The following ATXN2 variants were observed in gnomAD, a reference collection of about 807,000 sequenced individuals.
ATXN2 encodes ataxin-2.
In ATXN2, 37 loss-of-function variants were observed where a neutral mutation model predicts 138.6. The observed-to-expected ratio is 0.27, with a 90% CI of 0.21 to 0.35. ATXN2 has a LOEUF of 0.35. ATXN2 is among the 10% of genes least tolerant of loss of function. The pLI is 1.00. For synonymous variants in ATXN2, 549 were observed against 543.7 expected (o/e 1.01, Z -0.13); for missense variants, 1,216 against 1,480.3 (o/e 0.82, Z 2.93).
rs660254 is a variant in ATXN2, at chr12:111,505,317, A to C, written c.1935+4232T>G. Reference sequence around the variant, plus strand: ...GATTGATGAAACAGTATTTTCTTAGATACGACACCAAAAGCTTACTTCAAA... The same window carrying C: ...GATTGATGAAACAGTATTTTCTTAGCTACGACACCAAAAGCTTACTTCAAA... On this transcript the variant is annotated intron_variant, in intron 14 of 24. Coordinates refer to ENST00000673436, the MANE Select transcript of ATXN2 (RefSeq NM_001372574.1). 6.9e-3 allele frequency among the ~76,000 whole-genome samples: 1,053 copies of C among 152,352 alleles called. 7 individuals carry two copies. The highest frequency in any genetic ancestry group is 0.014 in the Middle Eastern group (4 of 294).
intron 1 of ATXN2, among the ~76,000 whole-genome samples, chr12:111,589,534 G>C (rs996824647): frequency 4.6e-5 from 7 of 151,912 alleles, no homozygotes; most frequent in African/African-American, 1.7e-4. Flanking sequence ...CACTTCAGGA[G>C]GCCAAGGTAT....
intron 17 of ATXN2, 150 bp downstream of exon 17, chr12:111,485,563 T>C: frequency 9.5e-7 from 1 of 1,049,966 alleles, no homozygotes; most frequent in South Asian, 1.7e-5. Flanking sequence ...GTCCTCATAC[T>C]TAACAACACA....
chr12:111,500,263 T>C (rs1358053006), intron 14 of ATXN2, among the ~76,000 whole-genome samples: 1 of 152,186 alleles, frequency 6.6e-6, no homozygotes, highest in Admixed American at 6.5e-5. Context: ...ATATACACAA[T>C]AGATTACCAT....
In ATXN2 at chr12:111,557,270, G is replaced by A. The variant is rs961903867; in HGVS notation, c.252-1351C>T. ...AAAAAGTCTAGTAACACGACTGGTCGATCCCTAGAAGAGTACTCTTAACAT... is the reference window on the plus strand; with the variant it reads ...AAAAAGTCTAGTAACACGACTGGTCAATCCCTAGAAGAGTACTCTTAACAT... On this transcript the variant is annotated intron_variant, in intron 1 of 24. Transcript: ENST00000673436. 5.3e-5 allele frequency among the ~76,000 whole-genome samples: 8 copies of A among 152,232 alleles called. No homozygotes were observed. The South Asian group carries it at 1.5e-3, about 28-fold the overall frequency.
In ATXN2 at chr12:111,510,015, T is replaced by TA. The variant is rs757060336; in HGVS notation, c.1757-18dup. 19 of 1,542,858 alleles carry TA rather than the reference T, an allele frequency of 1.2e-5. No homozygotes were observed. Among genetic ancestry groups the TA allele is most frequent in the South Asian group, 2.4e-5 (2 of 83,918 alleles). On this transcript the variant is annotated splice_polypyrimidine_tract_variant and intron_variant, in intron 12 of 24. Coordinates refer to ENST00000673436, the MANE Select transcript of ATXN2 (RefSeq NM_001372574.1). Reference sequence around the variant, plus strand: ...AATCTTTAGCTAGAAAACAATTTTTTAAAAAAAATTCAGATAAGTTAGAAA... The same window carrying TA: ...AATCTTTAGCTAGAAAACAATTTTTTAAAAAAAAATTCAGATAAGTTAGAAA...
chr12:111,457,248 T>C lies in ATXN2; in HGVS notation c.3008A>G (p.His1003Arg), dbSNP rs1875178112. The C allele has an allele frequency of 6.2e-7, 1 of 1,614,060 alleles. No individual in the cohort carries two copies. The change falls in exon 22 of 25, where the codon CAT becomes CGT. Residue 1003 changes from histidine to arginine, a missense_variant. Coordinates refer to ENST00000673436, the MANE Select transcript of ATXN2 (RefSeq NM_001372574.1). ...ATPTGQQQSQ[H>R]GGSHPAPSPV... ...ACTGGGTGCAGGATGACTTCCACCA[T>C]GTTGGCTTTGCTGCTGTCCAGTGGG...
At chr12:111,520,788 A>T in intron 7 of ATXN2, 94 bp downstream of exon 7, 1 of 679,290 alleles carries the variant, frequency 1.5e-6, no homozygotes, top group Non-Finnish European at 2.3e-6. Flanking sequence ...TAATTGTTTA[A>T]CTTAAAAACT....
intron 14 of ATXN2, among the ~76,000 whole-genome samples, chr12:111,491,517 G>T (rs1006635296): frequency 2.6e-5 from 4 of 152,140 alleles, no homozygotes; most frequent in African/African-American, 9.7e-5. Flanking sequence ...GGAGAGGGAA[G>T]AGTAGGGAGG....
chr12:111,562,665 A>T (rs528332732), intron 1 of ATXN2, among the ~76,000 whole-genome samples: 75 of 146,310 alleles, frequency 5.1e-4, no homozygotes, highest in African/African-American at 1.7e-3. Flanking sequence ...GGTTGCAGTG[A>T]GCCAAGATCA....
At chr12:111,556,843 T>G (rs1227995796) in intron 1 of ATXN2, among the ~76,000 whole-genome samples, 1 of 147,938 alleles carries the variant, frequency 6.8e-6, no homozygotes, top group Non-Finnish European at 1.5e-5. Context: ...GAAAAACAGG[T>G]CATATGATTA....
chr12:111,521,774 G>A (rs1327562792), intron 6 of ATXN2, among the ~76,000 whole-genome samples: 1 of 152,012 alleles, frequency 6.6e-6, no homozygotes, highest in Admixed American at 6.6e-5. Context: ...TTGGTGGGGG[G>A]GAGCCAGGGG....
intron 18 of ATXN2, among the ~76,000 whole-genome samples, chr12:111,483,599 T>C (rs918390277): frequency 6.6e-6 from 1 of 151,904 alleles, no homozygotes; most frequent in Admixed American, 6.6e-5. Flanking sequence ...TCAAGTGATC[T>C]GCCCACCTCG....
At chr12:111,463,465 T>C (rs976615213) in intron 21 of ATXN2, among the ~76,000 whole-genome samples, 2 of 152,088 alleles carry the variant, frequency 1.3e-5, no homozygotes, top group South Asian at 2.1e-4. Context: ...TTGGTAGAGA[T>C]AGGGTTTCAC....
chr12:111,555,440 C>T (rs1396762660), intron 2 of ATXN2, among the ~76,000 whole-genome samples: 11 of 152,104 alleles, frequency 7.2e-5, no homozygotes, highest in East Asian at 1.9e-4. Flanking sequence ...GTTTCCCCTA[C>T]GCTGCTCTCA....
At chr12:111,580,810 G>C (rs958869003) in intron 1 of ATXN2, among the ~76,000 whole-genome samples, 2 of 151,460 alleles carry the variant, frequency 1.3e-5, no homozygotes, top group Non-Finnish European at 2.9e-5. Flanking sequence ...GCGGGGAGGG[G>C]AAAAAAGGAG....
Position 111,553,567 on chromosome 12 carries a change from T to C in ATXN2, c.349-590A>G, listed in dbSNP as rs977568397. 8.9e-4 allele frequency among the ~76,000 whole-genome samples: 118 copies of C among 132,574 alleles called. 1 individual carries two copies. Among genetic ancestry groups the C allele is most frequent in the Non-Finnish European group, 1.4e-3 (90 of 65,026 alleles). 87.0% of individuals were successfully genotyped at this position (132,574 alleles called of 152,430 possible). ...GGTTCAGACGCAACCATGCCTCTTT[T>C]TTCTCAAAAAAAAAAAAAAAAAAAA... On this transcript the variant is annotated intron_variant, in intron 3 of 24. Transcript: ENST00000673436.
At position 111,559,786 on chromosome 12, in the gene ATXN2, A is replaced by G. The variant is rs1190011414; in HGVS notation, c.252-3867T>C. Among the ~76,000 whole-genome samples, 44 of 151,880 alleles carry G rather than the reference A, an allele frequency of 2.9e-4. 1 individual carries two copies. Among genetic ancestry groups the G allele is most frequent in the Admixed American group, 2.9e-3 (44 of 15,262 alleles). ...AGACTATCTCAAAAAACAAAAAAAAAAAAACTACAAAAAAAAAAAACACTT... is the reference window on the plus strand; with the variant it reads ...AGACTATCTCAAAAAACAAAAAAAAGAAAACTACAAAAAAAAAAAACACTT... On this transcript the variant is annotated intron_variant, in intron 1 of 24. Coordinates refer to ENST00000673436, the MANE Select transcript of ATXN2 (RefSeq NM_001372574.1).
intron 1 of ATXN2, among the ~76,000 whole-genome samples, chr12:111,587,551 G>A (rs1592933215): frequency 6.6e-6 from 1 of 152,004 alleles, no homozygotes. Flanking sequence ...AGCTACTCGG[G>A]AGACTGAGGT....
At chr12:111,588,035 A>C (rs1443274258) in intron 1 of ATXN2, among the ~76,000 whole-genome samples, 1 of 151,876 alleles carries the variant, frequency 6.6e-6, no homozygotes, top group African/African-American at 2.4e-5. Flanking sequence ...AAATACAAAA[A>C]AACTAGGCAG....
Sources: allele counts gnomAD v4.1 joint callset (sites outside exome capture counted in the v4.1 genomes callset), GRCh38; gene constraint gnomAD v4.1.1; transcripts MANE v1.5; gene names NCBI Gene and HGNC (gene_info 2026-07-23, HGNC 2026-07-21).